Variants in ZNF570 observed in about 807,000 individuals in gnomAD.
The protein encoded by ZNF570 is zinc finger protein 570.
Under a neutral mutation model 14.2 loss-of-function variants are expected in ZNF570, and 8 were observed. The ratio of observed to expected loss-of-function variants is 0.56; its 90% CI spans 0.33 to 1.02. The LOEUF (loss-of-function observed/expected upper bound fraction) is 1.02. Ranked by LOEUF, ZNF570 falls within the 50% of genes least tolerant of loss-of-function variation. The pLI, the probability that ZNF570 is intolerant of heterozygous loss-of-function variation, is 0.03. For synonymous variants in ZNF570, 202 were observed against 207.6 expected (o/e 0.97, Z 0.23); for missense variants, 559 against 624.9 (o/e 0.89, Z 1.12).
At chr19:37,476,866 C>G (rs918850605) in intron 4 of ZNF570, among the ~76,000 whole-genome samples, 1 of 152,008 alleles carries the variant, frequency 6.6e-6, no homozygotes, top group African/African-American at 2.4e-5. Flanking sequence ...CATGCCACCA[C>G]GCCCAGCTAA....
intron 2 of ZNF570, among the ~76,000 whole-genome samples, chr19:37,472,310 G>A (rs892209690): frequency 7.6e-6 from 1 of 131,994 alleles, no homozygotes; most frequent in African/African-American, 2.9e-5. Flanking sequence ...CTCTACTCTT[G>A]TTCTTTTTAG....
Position 37,488,184 on chromosome 19 carries a change from G to A in ZNF570, c.*2951G>A, listed in dbSNP as rs547361236. 4 of 152,276 alleles carry A rather than the reference G, an allele frequency of 2.6e-5. No individual in the cohort carries two copies. In the South Asian group the frequency reaches 8.3e-4, roughly 32 times the overall value. The allele number at this position is 152,276 out of a possible 1,614,324, so 9.4% of individuals were successfully genotyped here. A position where few individuals can be genotyped will look rare whatever the true frequency, so the allele number is the denominator to read the frequency against. ...TGCAGAACTGTGAGAATGAGAAGTTGAAAGCAATCTAACCATTAGGTTAAA... is the reference window on the plus strand; with the variant it reads ...TGCAGAACTGTGAGAATGAGAAGTTAAAAGCAATCTAACCATTAGGTTAAA... On this transcript the variant is annotated 3_prime_UTR_variant, in exon 5 of 5. Transcript: ENST00000330173.
chr19:37,475,798 CAG>C, intron 2 of ZNF570, 81 bp from the exon 3 acceptor site: 1 of 1,350,250 alleles, frequency 7.4e-7, no homozygotes, highest in Non-Finnish European at 1.0e-6. Context: ...GATGTAATAT[CAG>C]AGAGAGCCCA....
At chr19:37,483,643 A>C (rs2042111332) in intron 4 of ZNF570, among the ~76,000 whole-genome samples, 1 of 152,152 alleles carries the variant, frequency 6.6e-6, no homozygotes, top group African/African-American at 2.4e-5. Context: ...CCACATCTCT[A>C]ATTTCTTCTG....
chr19:37,484,284 A>G lies in ZNF570; in HGVS notation c.662A>G (p.Asn221Ser). Residue 221 changes from asparagine to serine, a missense_variant, in exon 5 of 5, where the codon AAT (asparagine) becomes AGT (serine). Asn to Ser is a conservative substitution (Grantham distance 46). Transcript: ENST00000330173. Reference sequence around the variant, plus strand: ...GCAGAGAAGAAACTTTTGAAATGTAATGACTGTGAAAAAGTCTTCAGCCAG... The same window carrying G: ...GCAGAGAAGAAACTTTTGAAATGTAGTGACTGTGAAAAAGTCTTCAGCCAG... ...VCAEKKLLKC[N>S]DCEKVFSQSS... 6.2e-7 allele frequency: 1 copy of G among 1,613,482 alleles called. No individual in the cohort carries two copies. The highest frequency in any genetic ancestry group is 1.1e-5 in the South Asian group (1 of 90,906).
intron 2 of ZNF570, 102 bp downstream of exon 2, chr19:37,470,489 G>A: frequency 1.2e-5 from 13 of 1,053,516 alleles, no homozygotes; most frequent in Non-Finnish European, 1.6e-5. Flanking sequence ...AACCAGTCAT[G>A]TCCCTTATCA....
chr19:37,467,991 A>G (rs1242814448), upstream of ZNF570: 5 of 1,497,434 alleles, frequency 3.3e-6, no homozygotes, highest in Admixed American at 3.9e-5. Flanking sequence ...GTGTGGCCAG[A>G]CCGCCTGACT....
chr19:37,469,677 C>CGACT, intron 1 of ZNF570, 120 bp downstream of exon 1: 1 of 1,063,564 alleles, frequency 9.4e-7, no homozygotes, highest in Non-Finnish European at 1.4e-6. Context: ...CGGGAGCGGG[C>CGACT]GACTGTTCGC....
Position 37,469,433 on chromosome 19 carries a change from C to A in ZNF570, c.-176C>A. Reference sequence around the variant, plus strand: ...GAGACCCGAGTGCAGATTCCCCGAGCCTTCGGGGCAGGAAGGAGATCTTCC... The same window carrying A: ...GAGACCCGAGTGCAGATTCCCCGAGACTTCGGGGCAGGAAGGAGATCTTCC... On this transcript the variant is annotated 5_prime_UTR_variant, in exon 1 of 5. Transcript: ENST00000330173. 1.3e-6 allele frequency: 2 copies of A among 1,533,640 alleles called. No homozygotes were observed. The highest frequency in any genetic ancestry group is 8.7e-7 in the Non-Finnish European group (1 of 1,145,092).
At chr19:37,480,946 C>G (rs1192580137) in intron 4 of ZNF570, among the ~76,000 whole-genome samples, 1 of 150,142 alleles carries the variant, frequency 6.7e-6, no homozygotes, top group Admixed American at 6.6e-5. Flanking sequence ...AAGGCTCTGT[C>G]TCAAAAAAAA....
rs1461378398 is a variant in ZNF570, at chr19:37,484,693, C to G, written c.1071C>G (p.Pro357=). The change falls in exon 5 of 5, where the codon CCC becomes CCG. Residue 357 remains proline (P), a synonymous_variant. Coordinates refer to ENST00000330173, the MANE Select transcript of ZNF570 (RefSeq NM_144694.5). ...QHQRVHTGEK[P]YECNVCGKAF... is the part of the protein sequence containing the mutation. ...AGAGAGTTCATACAGGAGAGAAACCCTATGAATGTAATGTCTGTGGGAAAG... is the reference window on the plus strand; with the variant it reads ...AGAGAGTTCATACAGGAGAGAAACCGTATGAATGTAATGTCTGTGGGAAAG... The G allele has an allele frequency of 1.2e-6, 2 of 1,613,864 alleles. No individual in the cohort carries two copies. Among genetic ancestry groups the G allele is most frequent in the Non-Finnish European group, 1.7e-6 (2 of 1,180,004 alleles).
At chr19:37,469,753 A>C in intron 1 of ZNF570, 196 bp downstream of exon 1, 1 of 636,414 alleles carries the variant, frequency 1.6e-6, no homozygotes, top group Non-Finnish European at 2.7e-6. Flanking sequence ...CGCTTGTGAT[A>C]GATACCCTGG....
intron 4 of ZNF570, among the ~76,000 whole-genome samples, chr19:37,481,381 C>T (rs2042086642): frequency 6.6e-6 from 1 of 152,094 alleles, no homozygotes; most frequent in East Asian, 1.9e-4. Context: ...TCTCAAACTC[C>T]TGAGCTCGTG....
Position 37,476,445 on chromosome 19 carries a change from A to G in ZNF570, c.256+11A>G, listed in dbSNP as rs566106186. 3.6e-5 allele frequency: 58 copies of G among 1,610,664 alleles called. 1 individual carries two copies. In the South Asian group the frequency reaches 5.7e-4, roughly 16 times the overall value. On this transcript the variant is annotated intron_variant, in intron 4 of 4. Coordinates refer to ENST00000330173, the MANE Select transcript of ZNF570 (RefSeq NM_144694.5). Reference sequence around the variant, plus strand: ...AAGGCTTGTGCTCAGGTTAGTGAAGAGGAAATTGGCAAAAATCTTTGCACG... The same window carrying G: ...AAGGCTTGTGCTCAGGTTAGTGAAGGGGAAATTGGCAAAAATCTTTGCACG...
chr19:37,473,657 T>C (rs2041993947), intron 2 of ZNF570, among the ~76,000 whole-genome samples: 1 of 152,056 alleles, frequency 6.6e-6, no homozygotes, highest in Non-Finnish European at 1.5e-5. Context: ...GTTATGACCA[T>C]GGGAATGAAT....
rs1480957209 is a variant in ZNF570 at position 37,484,774 on chromosome 19, A to G, written c.1152A>G (p.Arg384=). The G allele has an allele frequency of 6.2e-7, 1 of 1,614,084 alleles. No individual in the cohort carries two copies. The stretch of plus-strand genomic sequence containing the variant: ...ATCAGAGAATACATACTGGAGAGAG[A>G]CCCTATGAATGTAAGGAATGTGGGA... The part of the protein sequence containing the change: ...TVHQRIHTGE[R]PYECKECGKA... The change falls in exon 5 of 5, where the codon AGA becomes AGG. Residue 384 remains arginine, a synonymous_variant. Transcript: ENST00000330173.
In ZNF570 at chr19:37,487,394, T is replaced by G. The variant is rs1368537561; in HGVS notation, c.*2161T>G. The stretch of plus-strand genomic sequence containing the variant: ...AGAAAACAGATAGATACACAAATAA[T>G]ATAGGCATTCATTCTGTTAATATTG... On this transcript the variant is annotated 3_prime_UTR_variant, in exon 5 of 5. Transcript: ENST00000330173. 6.6e-6 allele frequency: 1 copy of G among 152,014 alleles called. No individual in the cohort carries two copies. The highest frequency in any genetic ancestry group is 2.4e-5 in the African/African-American group (1 of 41,396). 9.4% of individuals were successfully genotyped at this position (152,014 alleles called of 1,614,324 possible). A position where few individuals can be genotyped will look rare whatever the true frequency, so the allele number is the denominator to read the frequency against.
In ZNF570 at chr19:37,473,065, T is replaced by C. The variant is rs139067187; in HGVS notation, c.33+2678T>C. On this transcript the variant is annotated intron_variant, in intron 2 of 4. Transcript: ENST00000330173. ...TGTGGGAATTATCTTTCAATGGGTT[T>C]TGTTTTCTCAGAGAAAATAAGATTA... 2.6e-4 allele frequency among the ~76,000 whole-genome samples: 39 copies of C among 152,104 alleles called. 1 individual carries two copies. In the East Asian group the frequency reaches 7.4e-3, roughly 29 times the overall value.
At chr19:37,468,005 A>C (rs1480988951), upstream of ZNF570, 3 of 1,432,838 alleles carry the variant, frequency 2.1e-6, no homozygotes, top group Non-Finnish European at 2.8e-6. Context: ...CCTGACTTCT[A>C]AACAGACTTG....
Sources: gnomAD v4.1 joint callset for allele counts (sites outside exome capture counted in the v4.1 genomes callset) on GRCh38, gnomAD v4.1.1 for gene constraint, MANE v1.5 for transcripts, NCBI Gene and HGNC (gene_info 2026-07-23, HGNC 2026-07-21) for gene names.